WASHC2C: variants seen among roughly 807,000 people sequenced by gnomAD.
WASHC2C encodes WASH complex subunit 2C, also known as Vaccinia Penetration Factor.
Under a neutral mutation model 142.2 loss-of-function variants are expected in WASHC2C, and 73 were observed. That is an observed-to-expected ratio of 0.51 (90% CI 0.43 to 0.62). The LOEUF (loss-of-function observed/expected upper bound fraction) is 0.62. Ranked by LOEUF, WASHC2C falls within the 20% of genes least tolerant of loss-of-function variation. The probability of loss-of-function intolerance (pLI) is 0.00; values close to 1 mark genes in which losing one functional copy is unlikely to be tolerated. For synonymous variants in WASHC2C, 337 were observed against 565.5 expected, an observed-to-expected ratio of 0.60 and a Z score of 5.73; for missense variants, 969 against 1,531.7, an observed-to-expected ratio of 0.63 and a Z score of 6.13.
chr10:45,762,111 A>G (rs1471035663), intron 17 of WASHC2C, among the ~76,000 whole-genome samples: 5 of 151,566 alleles, frequency 3.3e-5, no homozygotes, highest in Non-Finnish European at 7.4e-5. Flanking sequence ...AAGGGAATAG[A>G]TGTCCCATTT....
Position 45,789,467 on chromosome 10 carries a change from A to G in WASHC2C, c.3684A>G (p.Ile1228Met), listed in dbSNP as rs1252555756. 1 of 1,612,084 alleles carries G rather than the reference A, an allele frequency of 6.2e-7. No homozygotes were observed. Among genetic ancestry groups the G allele is most frequent in the African/African-American group, 1.3e-5 (1 of 74,984 alleles). ...AATCCAGTAGTCAGCAGGATGTCAT[A>G]TTAACAACACAAGATATTTTTGAGG... ...ETKSSSQQDV[I>M]LTTQDIFEDD... The change falls in exon 29 of 31, where the codon ATA becomes ATG. Residue 1228 changes from isoleucine to methionine, a missense_variant. Coordinates refer to ENST00000623400, the MANE Select transcript of WASHC2C (RefSeq NM_001330074.2).
intron 17 of WASHC2C, 151 bp downstream of exon 17, chr10:45,759,552 G>A (rs2054817311): frequency 1.1e-6 from 1 of 913,480 alleles, no homozygotes; most frequent in Non-Finnish European, 1.3e-6. Context: ...AGGAGTGGTG[G>A]TTCATGCCTG....
intron 23 of WASHC2C, among the ~76,000 whole-genome samples, chr10:45,780,110 A>G (rs2057382347): frequency 6.6e-6 from 1 of 151,996 alleles, no homozygotes; most frequent in African/African-American, 2.4e-5. Context: ...CAAAATCCTC[A>G]ACAAAAATAC....
chr10:45,786,404 C>G lies in WASHC2C; in HGVS notation c.2812-208C>G. ...TTCCTTGACTCCATATCTGATCTGG[C>G]AGCTTTCCACTTATGTGACAGAGGA... On this transcript the variant is annotated intron_variant, in intron 26 of 30. Transcript: ENST00000623400. 3 of 695,542 alleles carry G rather than the reference C, an allele frequency of 4.3e-6. No homozygotes were observed. In the South Asian group the frequency reaches 5.3e-5, roughly 12 times the overall value. The allele number at this position is 695,542 out of a possible 1,614,324, so 43.1% of individuals were successfully genotyped here.
chr10:45,746,273 G>A (rs1237957591), intron 7 of WASHC2C, among the ~76,000 whole-genome samples: 1 of 145,856 alleles, frequency 6.9e-6, no homozygotes, highest in Non-Finnish European at 1.5e-5. Flanking sequence ...CTGACTTTCA[G>A]TAATTTAGTT....
intron 16 of WASHC2C, among the ~76,000 whole-genome samples, chr10:45,758,651 A>T (rs1313600345): frequency 7.0e-6 from 1 of 143,680 alleles, no homozygotes; most frequent in Non-Finnish European, 1.5e-5. Context: ...TCTGTTGCCC[A>T]GGCTGGAGTG....
chr10:45,752,737 G>A, intron 12 of WASHC2C, 31 bp downstream of exon 12: 1 of 1,586,926 alleles, frequency 6.3e-7, no homozygotes, highest in South Asian at 1.1e-5. Flanking sequence ...AACACTCCCT[G>A]CAGCTAGCTG....
At chr10:45,743,000 G>A (rs1429160269) in intron 5 of WASHC2C, among the ~76,000 whole-genome samples, 229 of 151,268 alleles carry the variant, frequency 1.5e-3, no homozygotes, top group African/African-American at 5.0e-3. Flanking sequence ...TCAGCCTCCC[G>A]AGTAGCTAGG....
Position 45,731,908 on chromosome 10 carries a change from C to A in WASHC2C, c.291+2882C>A, listed in dbSNP as rs2610499. Among the ~76,000 whole-genome samples the A allele has an allele frequency of 6.1e-4, 92 of 151,038 alleles. No individual in the cohort carries two copies. In the South Asian group the frequency reaches 0.013, roughly 22 times the overall value. On this transcript the variant is annotated intron_variant, in intron 3 of 30. Coordinates refer to ENST00000623400, the MANE Select transcript of WASHC2C (RefSeq NM_001330074.2). ...CTCCCGGGTTCATGCCATTCTCCTG[C>A]CTCAGCCTCCTGAGTAGCTGGGATG...
intron 4 of WASHC2C, among the ~76,000 whole-genome samples, chr10:45,739,083 G>A (rs1397297371): frequency 3.3e-5 from 5 of 151,252 alleles, no homozygotes; most frequent in African/African-American, 1.2e-4. Flanking sequence ...ACCAATTCAG[G>A]GTTTAATTTG....
At chr10:45,773,628 T>C (rs2056807634) in intron 21 of WASHC2C, among the ~76,000 whole-genome samples, 1 of 152,408 alleles carries the variant, frequency 6.6e-6, no homozygotes, top group Admixed American at 6.5e-5. Flanking sequence ...TCTGCTAACA[T>C]TAGACTAGGC....
At chr10:45,766,885 G>A (rs1300688394) in intron 19 of WASHC2C, among the ~76,000 whole-genome samples, 2 of 152,098 alleles carry the variant, frequency 1.3e-5, no homozygotes, top group African/African-American at 2.4e-5. Context: ...AGTAGGGGGT[G>A]AAGTGGATAT....
At chr10:45,747,413 G>A (rs2052972517) in intron 8 of WASHC2C, among the ~76,000 whole-genome samples, 2 of 151,994 alleles carry the variant, frequency 1.3e-5, no homozygotes, top group South Asian at 2.1e-4. Context: ...CAAAATGCTG[G>A]GATTACAGGC....
intron 23 of WASHC2C, among the ~76,000 whole-genome samples, chr10:45,784,270 A>G (rs1317816555): frequency 1.7e-4 from 1 of 5,756 alleles, no homozygotes; most frequent in African/African-American, 3.1e-4. Context: ...ATATATATAT[A>G]TATATATATA....
chr10:45,787,577 G>T lies in WASHC2C; in HGVS notation c.3087+330G>T, dbSNP rs1589965340. Among the ~76,000 whole-genome samples, 5 of 150,178 alleles carry T rather than the reference G, an allele frequency of 3.3e-5. No individual in the cohort carries two copies. The East Asian group carries it at 5.9e-4, about 18-fold the overall frequency. On this transcript the variant is annotated intron_variant, in intron 28 of 30. Transcript: ENST00000623400. Reference sequence around the variant, plus strand: ...AGAGCAGATCATGCCCCTCCTGCTGGCGCTTCCTCACTACTCCAAGGAGAG... The same window carrying T: ...AGAGCAGATCATGCCCCTCCTGCTGTCGCTTCCTCACTACTCCAAGGAGAG...
chr10:45,785,047 C>G, intron 25 of WASHC2C, 146 bp downstream of exon 25: 1 of 1,568,554 alleles, frequency 6.4e-7, no homozygotes, highest in East Asian at 2.2e-5. Flanking sequence ...CCGAGGGGAG[C>G]GTGTGTGGAG....
At chr10:45,761,996 C>T (rs180829822) in intron 17 of WASHC2C, among the ~76,000 whole-genome samples, 343 of 149,104 alleles carry the variant, frequency 2.3e-3, no homozygotes, top group African/African-American at 8.1e-3. Flanking sequence ...GAGTAGACAG[C>T]GACCCCATAA....
chr10:45,742,245 T>A (rs2052170592), intron 5 of WASHC2C, among the ~76,000 whole-genome samples: 1 of 152,286 alleles, frequency 6.6e-6, no homozygotes, highest in Non-Finnish European at 1.5e-5. Flanking sequence ...TTCACTTTTC[T>A]AAATTCAACA....
intron 20 of WASHC2C, 85 bp from the exon 21 acceptor site, chr10:45,773,171 G>A (rs2056755392): frequency 3.6e-6 from 2 of 559,134 alleles, no homozygotes; most frequent in Admixed American, 6.6e-5. Flanking sequence ...TCCTGTAGGT[G>A]CAGTCTAGAA....
Sources: gnomAD v4.1 joint callset for allele counts (sites outside exome capture counted in the v4.1 genomes callset) on GRCh38, gnomAD v4.1.1 for gene constraint, MANE v1.5 for transcripts, NCBI Gene and HGNC (gene_info 2026-07-23, HGNC 2026-07-21) for gene names.